Variants in CHODL observed in about 807,000 individuals in gnomAD.
The protein encoded by CHODL is chondrolectin.
CHODL carries 29 observed loss-of-function variants against 34.5 expected under a neutral mutation model. The ratio of observed to expected loss-of-function variants is 0.84; its 90% confidence interval spans 0.63 to 1.15. The LOEUF (loss-of-function observed/expected upper bound fraction) is 1.15, where lower values mean the gene tolerates loss of function less well. Among genes scored for constraint, CHODL ranks in the 50% most tolerant of loss-of-function variants. The pLI is 0.00. For synonymous variants in CHODL, 125 were observed against 116.1 expected, an observed-to-expected ratio of 1.08 and a Z score of -0.49; for missense variants, 332 against 332.5, an observed-to-expected ratio of 1.00 and a Z score of 0.01.
chr21:18,028,277 C>CCCTTCCTTCCTTCCTTCCTTCCTTCCTT (rs1555853374), intron 2 of CHODL, among the ~76,000 whole-genome samples: 2 of 98,934 alleles, frequency 2.0e-5, no homozygotes, highest in African/African-American at 4.1e-5. Flanking sequence ...TTTCCTTTTC[C>CCCTTCCTTCCTTCCTTCCTTCCTTCCTT]CCTTCCTTCC....
chr21:18,134,008 C>T (rs1182540947), intron 2 of CHODL, among the ~76,000 whole-genome samples: 3 of 152,276 alleles, frequency 2.0e-5, no homozygotes, highest in East Asian at 3.9e-4. Flanking sequence ...ATCTCTCTAT[C>T]ATCTATCTAT....
intron 1 of CHODL, among the ~76,000 whole-genome samples, chr21:18,024,251 G>A (rs560663857): frequency 6.6e-6 from 1 of 152,146 alleles, no homozygotes; most frequent in South Asian, 2.1e-4. Flanking sequence ...TAATAAAGAC[G>A]AGGTCTCACT....
rs1024220922 is a variant in CHODL at position 18,187,260 on chromosome 21, A to G, written c.-44-69249A>G. ...GTTCTAGCCAGATAAGATAGCTGGCATTGAACTACCATCCTAAACTGTACT... is the reference window on the plus strand; with the variant it reads ...GTTCTAGCCAGATAAGATAGCTGGCGTTGAACTACCATCCTAAACTGTACT... On this transcript the variant is annotated intron_variant, in intron 2 of 6. Transcript: ENST00000400127. Among the ~76,000 whole-genome samples the G allele has an allele frequency of 4.8e-4, 73 of 152,192 alleles. 5 individuals carry two copies. Among genetic ancestry groups the G allele is most frequent in the Non-Finnish European group, 8.8e-5 (6 of 68,022 alleles).
In CHODL at chr21:18,189,273, T is replaced by C. The variant is rs370038181; in HGVS notation, c.-44-67236T>C. Among the ~76,000 whole-genome samples the C allele has an allele frequency of 4.6e-5, 7 of 152,334 alleles. No individual in the cohort carries two copies. In the South Asian group the frequency reaches 8.3e-4, roughly 18 times the overall value. ...TATAAAGTTTTGTTCAAAATGATAG[T>C]CAATTTATATTTTAGCTTCTTAACC... On this transcript the variant is annotated intron_variant, in intron 2 of 6. Transcript: ENST00000400127.
intron 2 of CHODL, among the ~76,000 whole-genome samples, chr21:18,144,298 C>T (rs929051441): frequency 4.6e-5 from 7 of 151,852 alleles, no homozygotes; most frequent in African/African-American, 1.5e-4. Context: ...TTCTGTTAGC[C>T]TCTTAGCCTA....
intron 2 of CHODL, among the ~76,000 whole-genome samples, chr21:18,176,795 G>C (rs2073319965): frequency 6.6e-6 from 1 of 152,064 alleles, no homozygotes; most frequent in African/African-American, 2.4e-5. Flanking sequence ...TGTAATTTAG[G>C]AAAATTATTT....
intron 1 of CHODL, among the ~76,000 whole-genome samples, chr21:18,251,490 T>TA (rs1271452761): frequency 1.5e-5 from 2 of 136,774 alleles, no homozygotes; most frequent in African/African-American, 5.5e-5. Flanking sequence ...TTTTAATATA[T>TA]AAAATAAATA....
chr21:18,246,052 T>G (rs1231340131), intron 1 of CHODL: 6 of 956,840 alleles, frequency 6.3e-6, no homozygotes, highest in Non-Finnish European at 9.7e-6. Flanking sequence ...CTTTGATTTT[T>G]CTTTTTTTGA....
At chr21:18,088,158 G>A (rs778383779) in intron 2 of CHODL, among the ~76,000 whole-genome samples, 1 of 152,246 alleles carries the variant, frequency 6.6e-6, no homozygotes, top group Non-Finnish European at 1.5e-5. Flanking sequence ...GCAGTGACAC[G>A]AGCCAAACCA....
intron 2 of CHODL, among the ~76,000 whole-genome samples, chr21:18,137,082 G>GTCTTCC (rs2146604326): frequency 6.6e-6 from 1 of 152,174 alleles, no homozygotes; most frequent in East Asian, 1.9e-4. Flanking sequence ...GTAGCCTGAA[G>GTCTTCC]TCTTCCTCTT....
At chr21:18,118,195 T>TAAGG (rs1168542885) in intron 2 of CHODL, among the ~76,000 whole-genome samples, 1 of 152,200 alleles carries the variant, frequency 6.6e-6, no homozygotes, top group African/African-American at 2.4e-5. Context: ...AGAGCTTCTG[T>TAAGG]CTTAATTCGC....
intron 2 of CHODL, among the ~76,000 whole-genome samples, chr21:18,176,977 T>C (rs2073323161): frequency 6.6e-6 from 1 of 151,950 alleles, no homozygotes; most frequent in South Asian, 2.1e-4. Flanking sequence ...TATAGGTTGT[T>C]GGGGTAAGGG....
rs139847839 is a variant in CHODL, at chr21:18,204,977, G to T, written c.-44-51532G>T. On this transcript the variant is annotated intron_variant, in intron 2 of 6. Coordinates refer to the CHODL transcript ENST00000400127. ...TTTTATACCTTCACAAAAGAATCCT[G>T]GCTATAAGTCCATTGAGAAAACCAC... Among the ~76,000 whole-genome samples the T allele has an allele frequency of 3.4e-3, 521 of 152,204 alleles. 4 individuals carry two copies. Among genetic ancestry groups the T allele is most frequent in the African/African-American group, 0.012 (499 of 41,540 alleles).
At chr21:17,964,721 T>A (rs1413376459) in intron 1 of CHODL, among the ~76,000 whole-genome samples, 3 of 152,244 alleles carry the variant, frequency 2.0e-5, no homozygotes, top group Non-Finnish European at 4.4e-5. Flanking sequence ...CTTTACTTTG[T>A]GATCTAACAT....
In CHODL at chr21:18,001,904, G is replaced by T. The variant is rs537201698; in HGVS notation, c.-144-25968G>T. 2.6e-5 allele frequency among the ~76,000 whole-genome samples: 4 copies of T among 151,020 alleles called. No homozygotes were observed. The South Asian group carries it at 6.3e-4, about 24-fold the overall frequency. ...CTTTTGAAGAAAATATCTGGATATAGTCTATTTTCCATGTGTAGAATAATA... is the reference window on the plus strand; with the variant it reads ...CTTTTGAAGAAAATATCTGGATATATTCTATTTTCCATGTGTAGAATAATA... On this transcript the variant is annotated intron_variant, in intron 1 of 6. Coordinates refer to the CHODL transcript ENST00000400127.
intron 1 of CHODL, among the ~76,000 whole-genome samples, chr21:17,966,885 C>T (rs1471723773): frequency 6.8e-6 from 1 of 147,202 alleles, no homozygotes; most frequent in Non-Finnish European, 1.5e-5. Context: ...TGATTATTTT[C>T]CTGAGCTTTT....
chr21:18,185,849 A>G (rs973447320), intron 2 of CHODL, among the ~76,000 whole-genome samples: 11 of 152,192 alleles, frequency 7.2e-5, no homozygotes, highest in Non-Finnish European at 2.9e-5. Flanking sequence ...TGGTAGAAAA[A>G]GACTAGCTAG....
At chr21:18,235,392 T>C (rs1461077677) in intron 2 of CHODL, among the ~76,000 whole-genome samples, 2 of 152,202 alleles carry the variant, frequency 1.3e-5, no homozygotes, top group Non-Finnish European at 1.5e-5. Flanking sequence ...AAAATTAAAA[T>C]ACTGAATATA....
chr21:18,093,500 AC>A (rs34914291), intron 2 of CHODL, among the ~76,000 whole-genome samples: 54,493 of 151,998 alleles, frequency 0.36, 12,153 homozygotes, highest in Non-Finnish European at 0.51. Context: ...TAAATTATGA[AC>A]CAATCAAAAA....
Sources: gnomAD v4.1 joint callset for allele counts (sites outside exome capture counted in the v4.1 genomes callset) on GRCh38, gnomAD v4.1.1 for gene constraint, MANE v1.5 for transcripts, NCBI Gene and HGNC (gene_info 2026-07-23, HGNC 2026-07-21) for gene names.